HIVEP2: variants seen among roughly 807,000 people sequenced by gnomAD.
The protein encoded by HIVEP2 is HIVEP zinc finger 2.
Under a neutral mutation model 180.7 loss-of-function variants are expected in HIVEP2, and 14 were observed. The ratio of observed to expected loss-of-function variants is 0.08; its 90% CI spans 0.05 to 0.12. The LOEUF (loss-of-function observed/expected upper bound fraction) is 0.12. Ranked by LOEUF, HIVEP2 falls within the 10% of genes least tolerant of loss-of-function variation. The pLI is 1.00. For synonymous variants in HIVEP2, 1,184 were observed against 1,136.4 expected, an observed-to-expected ratio of 1.04 and a Z score of -0.84; for missense variants, 2,579 against 3,008.5, an observed-to-expected ratio of 0.86 and a Z score of 3.34.
chr6:142,764,136 T>G (rs1280087228), intron 7 of HIVEP2, among the ~76,000 whole-genome samples: 1 of 152,146 alleles, frequency 6.6e-6, no homozygotes, highest in Non-Finnish European at 1.5e-5. Flanking sequence ...TTCATAATAT[T>G]ATAAAAAATA....
chr6:142,863,421 T>C (rs1398062074), intron 1 of HIVEP2, among the ~76,000 whole-genome samples: 2 of 152,080 alleles, frequency 1.3e-5, no homozygotes, highest in Non-Finnish European at 2.9e-5. Context: ...AATTACAAAT[T>C]AACTTCTTTA....
At chr6:142,793,683 C>CTTTCTTTA in intron 2 of HIVEP2, among the ~76,000 whole-genome samples, 1 of 120,648 alleles carries the variant, frequency 8.3e-6, no homozygotes, top group African/African-American at 2.8e-5. Flanking sequence ...TTCTCTCTCT[C>CTTTCTTTA]TCTCTCTCTC....
At chr6:142,924,917 G>A (rs538923440) in intron 1 of HIVEP2, among the ~76,000 whole-genome samples, 1 of 152,264 alleles carries the variant, frequency 6.6e-6, no homozygotes, top group South Asian at 2.1e-4. Flanking sequence ...GGGGATTATT[G>A]TTCATACAAA....
At chr6:142,933,840 G>A (rs1436488862) in intron 1 of HIVEP2, among the ~76,000 whole-genome samples, 1 of 152,182 alleles carries the variant, frequency 6.6e-6, no homozygotes, top group Non-Finnish European at 1.5e-5. Flanking sequence ...CTTGATTGAA[G>A]TTGGGCACCA....
chr6:142,937,923 G>A (rs1447601170), intron 1 of HIVEP2, among the ~76,000 whole-genome samples: 1 of 152,202 alleles, frequency 6.6e-6, no homozygotes, highest in African/African-American at 2.4e-5. Flanking sequence ...TGCTCTTTAA[G>A]CCTAAATTGC....
At chr6:142,797,841 C>G (rs1334555706) in intron 2 of HIVEP2, among the ~76,000 whole-genome samples, 2 of 151,624 alleles carry the variant, frequency 1.3e-5, no homozygotes, top group Non-Finnish European at 1.5e-5. Context: ...GATTCAGTAC[C>G]CTCTATGGTT....
Position 142,761,466 on chromosome 6 carries a change from G to T in HIVEP2, c.5618C>A (p.Ala1873Glu). ...TSVDDTETEE[A>E]ENLEDLHKAA... is the part of the protein sequence containing the mutation. ...CAACTCATTTATGACATACACACCT[G>T]CTTCCTCAGTTTCTGTATCATCCAC... The change falls in exon 8 of 10, where the codon GCA becomes GAA. Residue 1873 changes from alanine (A) to glutamate (E), a missense_variant and splice_region_variant. Coordinates refer to ENST00000367603, the MANE Select transcript of HIVEP2 (RefSeq NM_006734.4). 6.5e-7 allele frequency: 1 copy of T among 1,541,408 alleles called. No individual in the cohort carries two copies. The highest frequency in any genetic ancestry group is 2.2e-5 in the East Asian group (1 of 44,492).
At chr6:142,819,371 A>G (rs1047802621) in intron 2 of HIVEP2, among the ~76,000 whole-genome samples, 4 of 152,212 alleles carry the variant, frequency 2.6e-5, no homozygotes, top group African/African-American at 9.6e-5. Context: ...GCTTTTATGA[A>G]TCTTAAAGGG....
Position 142,769,764 on chromosome 6 carries a change from A to G in HIVEP2, c.4975T>C (p.Tyr1659His). ...WCFLNYTKPN[Y>H]VQQATFKSSV... Reference sequence around the variant, plus strand: ...GATTTGAAGGTGGCCTGTTGCACATAATTGGGTTTTGTATAATTCAAGAAG... The same window carrying G: ...GATTTGAAGGTGGCCTGTTGCACATGATTGGGTTTTGTATAATTCAAGAAG... The change falls in exon 5 of 10, where the codon TAT becomes CAT. Residue 1659 changes from tyrosine to histidine, a missense_variant. Physicochemically the swap from Tyr to His is moderately conservative, Grantham distance 83 (BLOSUM62 2). This residue lies in a region of HIVEP2 where 349 missense variants were observed against 367.2 expected (regional missense o/e 0.95). Coordinates refer to ENST00000367603, the MANE Select transcript of HIVEP2 (RefSeq NM_006734.4). The G allele has an allele frequency of 6.2e-7, 1 of 1,614,158 alleles. No individual in the cohort carries two copies. The highest frequency in any genetic ancestry group is 8.5e-7 in the Non-Finnish European group (1 of 1,180,022).
chr6:142,887,932 G>A (rs1340932947), intron 1 of HIVEP2, among the ~76,000 whole-genome samples: 3 of 150,502 alleles, frequency 2.0e-5, no homozygotes, highest in Admixed American at 1.3e-4. Context: ...TGGGGGGAAG[G>A]GGAGGATATA....
Position 142,753,509 on chromosome 6 carries a change from G to A in HIVEP2, c.6939C>T (p.Asp2313=). 1.2e-6 allele frequency: 2 copies of A among 1,614,166 alleles called. No individual in the cohort carries two copies. The highest frequency in any genetic ancestry group is 8.5e-7 in the Non-Finnish European group (1 of 1,180,040). The stretch of plus-strand genomic sequence containing the variant: ...GTTCCCGCTCTGTTGCGTTTAGGCT[G>A]TCTTCCGAAGTGCTCTGTTTCATCA... ...RLLMKQSTSE[D]SLNATEREQE... is the part of the protein sequence containing the mutation. Residue 2313 remains aspartate (D), a synonymous_variant, in exon 10 of 10, where the codon GAC becomes GAT. Coordinates refer to ENST00000367603, the MANE Select transcript of HIVEP2 (RefSeq NM_006734.4).
At chr6:142,889,539 C>T (rs539306287) in intron 1 of HIVEP2, among the ~76,000 whole-genome samples, 1 of 152,288 alleles carries the variant, frequency 6.6e-6, no homozygotes, top group Non-Finnish European at 1.5e-5. Flanking sequence ...TATGGCAGAG[C>T]AATTCTCTCT....
chr6:142,793,622 C>CTCTTTCTTTCTTTCTT (rs753217978), intron 2 of HIVEP2, among the ~76,000 whole-genome samples: 5 of 50,292 alleles, frequency 9.9e-5, no homozygotes, highest in Admixed American at 1.7e-4. Context: ...ATCCTTCCTT[C>CTCTTTCTTTCTTTCTT]TCTTTCTTTC....
intron 1 of HIVEP2, among the ~76,000 whole-genome samples, chr6:142,932,334 T>C (rs1055028859): frequency 6.6e-6 from 1 of 152,218 alleles, no homozygotes; most frequent in African/African-American, 2.4e-5. Flanking sequence ...ACATTCCAAC[T>C]CTGTTCTAGT....
upstream of HIVEP2, among the ~76,000 whole-genome samples, chr6:142,945,492 G>C (rs1217929282): frequency 6.6e-6 from 1 of 152,058 alleles, no homozygotes; most frequent in Non-Finnish European, 1.5e-5. The surrounding 1 kb of genome is among the most constrained non-coding windows in gnomAD (Gnocchi z 5.5). Flanking sequence ...GCCACTTACC[G>C]AGCCGAGGAG....
At chr6:142,851,395 A>G (rs2114925651) in intron 1 of HIVEP2, among the ~76,000 whole-genome samples, 1 of 152,372 alleles carries the variant, frequency 6.6e-6, no homozygotes, top group Middle Eastern at 3.4e-3. Context: ...ACAAAGAGGA[A>G]TGTTAAAAGT....
At chr6:142,777,648 CAAAAAAAAAAAAAAAAAAAAAAAAA>C (rs58304452) in intron 3 of HIVEP2, among the ~76,000 whole-genome samples, 7 of 27,674 alleles carry the variant, frequency 2.5e-4, no homozygotes, top group African/African-American at 1.0e-3. Context: ...AACTCCATCT[CAAAAAAAAAAAAAAAAAAAAAAAAA>C]AAAAAAAAAA....
rs185527216 is a variant in HIVEP2, at chr6:142,758,593, T to G, written c.6516+1179A>C. Reference sequence around the variant, plus strand: ...AGGCAGACAGATTCCAAAGGTATCATGCCTCTGTCTATGCTAAGTGCATGC... The same window carrying G: ...AGGCAGACAGATTCCAAAGGTATCAGGCCTCTGTCTATGCTAAGTGCATGC... On this transcript the variant is annotated intron_variant, in intron 9 of 9. Transcript: ENST00000367603. Among the ~76,000 whole-genome samples, 490 of 152,358 alleles carry G rather than the reference T, an allele frequency of 3.2e-3. 2 individuals are homozygous for G. Among genetic ancestry groups the G allele is most frequent in the African/African-American group, 0.011 (459 of 41,586 alleles).
intron 1 of HIVEP2, among the ~76,000 whole-genome samples, chr6:142,880,905 T>C (rs1776561468): frequency 6.6e-6 from 1 of 152,198 alleles, no homozygotes; most frequent in Admixed American, 6.5e-5. Context: ...GTTACTGGCA[T>C]TTCCATTCCT....
Sources: gnomAD v4.1 joint callset for allele counts (sites outside exome capture counted in the v4.1 genomes callset) on GRCh38, gnomAD v4.1.1 for gene constraint, gnomAD v4.1.1 regional missense constraint, Gnocchi (gnomAD v3.1) non-coding constraint, MANE v1.5 for transcripts, NCBI Gene and HGNC (gene_info 2026-07-23, HGNC 2026-07-21) for gene names.